SLC38A9: variants seen among roughly 807,000 people sequenced by gnomAD.
SLC38A9 encodes solute carrier family 38 member 9.
In SLC38A9, 48 loss-of-function variants were observed where a neutral mutation model predicts 62.3. The observed-to-expected ratio is 0.77, with a 90% CI of 0.61 to 0.98. SLC38A9 has a LOEUF of 0.98. Among genes scored for constraint, SLC38A9 ranks in the 50% least tolerant of loss-of-function variants. SLC38A9 has a pLI of 0.00. For synonymous variants in SLC38A9, 204 were observed against 227.7 expected (o/e 0.90, Z 0.94); for missense variants, 541 against 679.8 (o/e 0.80, Z 2.27).
At chr5:55,670,428 A>G (rs571987556) in intron 4 of SLC38A9, among the ~76,000 whole-genome samples, 1 of 152,340 alleles carries the variant, frequency 6.6e-6, no homozygotes, top group South Asian at 2.1e-4. Flanking sequence ...TGCAAGTACT[A>G]TGCATCCCTG....
At chr5:55,706,490 AG>A (rs1412055574) in intron 2 of SLC38A9, among the ~76,000 whole-genome samples, 2 of 152,230 alleles carry the variant, frequency 1.3e-5, no homozygotes, top group African/African-American at 2.4e-5. Flanking sequence ...AGTGAAATCA[AG>A]GTTGGGGAAA....
chr5:55,700,692 T>A (rs564438596), intron 2 of SLC38A9, among the ~76,000 whole-genome samples: 1 of 152,248 alleles, frequency 6.6e-6, no homozygotes, highest in African/African-American at 2.4e-5. Context: ...CCTATCACTA[T>A]ACAGAAGCTG....
intron 2 of SLC38A9, among the ~76,000 whole-genome samples, chr5:55,700,863 T>C (rs749779198): frequency 1.3e-5 from 2 of 152,132 alleles, no homozygotes; most frequent in Non-Finnish European, 2.9e-5. Flanking sequence ...ACGTCACTGG[T>C]CCCTCCTCCT....
rs537511137 is a variant in SLC38A9, at chr5:55,656,014, A to T, written c.757+701T>A. Among the ~76,000 whole-genome samples, 40 of 152,314 alleles carry T rather than the reference A, an allele frequency of 2.6e-4. No individual in the cohort carries two copies. In the South Asian group the frequency reaches 2.7e-3, roughly 10 times the overall value. On this transcript the variant is annotated intron_variant, in intron 9 of 15. Transcript: ENST00000396865. ...TTGTATAGCCTATATATTAATAACTAAAACAATAGATCTCTAAAACTAAGT... is the reference window on the plus strand; with the variant it reads ...TTGTATAGCCTATATATTAATAACTTAAACAATAGATCTCTAAAACTAAGT...
chr5:55,698,113 G>A, intron 2 of SLC38A9, 121 bp from the exon 3 acceptor site: 1 of 464,416 alleles, frequency 2.2e-6, no homozygotes, highest in Non-Finnish European at 3.7e-6. Flanking sequence ...ATCTTAATGA[G>A]GTATATGCCT....
At chr5:55,653,291 C>T (rs763439419) in intron 9 of SLC38A9, among the ~76,000 whole-genome samples, 3 of 152,138 alleles carry the variant, frequency 2.0e-5, no homozygotes, top group Non-Finnish European at 4.4e-5. Flanking sequence ...TTAAACTCTA[C>T]TGGAAACTAT....
intron 12 of SLC38A9, among the ~76,000 whole-genome samples, chr5:55,643,072 T>C (rs576961663): frequency 6.6e-6 from 1 of 152,230 alleles, no homozygotes; most frequent in Non-Finnish European, 1.5e-5. Context: ...GCTGTTAAAT[T>C]GAGCACAAAA....
At chr5:55,698,076 G>A (rs1756165592) in intron 2 of SLC38A9, 84 bp from the exon 3 acceptor site, 1 of 568,538 alleles carries the variant, frequency 1.8e-6, no homozygotes, top group Non-Finnish European at 3.0e-6. Flanking sequence ...ATAACAAATT[G>A]GAAAAATACT....
intron 12 of SLC38A9, among the ~76,000 whole-genome samples, chr5:55,643,576 C>T (rs1227173678): frequency 6.6e-6 from 1 of 152,086 alleles, no homozygotes; most frequent in African/African-American, 2.4e-5. Context: ...CTTCCTCTAC[C>T]CTTACTGATT....
intron 2 of SLC38A9, among the ~76,000 whole-genome samples, chr5:55,708,128 C>A (rs952942934): frequency 1.3e-5 from 2 of 152,206 alleles, no homozygotes; most frequent in Admixed American, 1.3e-4. Flanking sequence ...AGGGAATGAA[C>A]AGCTTAGTTG....
chr5:55,637,195 C>T (rs1463133152), intron 12 of SLC38A9, among the ~76,000 whole-genome samples: 1 of 152,158 alleles, frequency 6.6e-6, no homozygotes, highest in Non-Finnish European at 1.5e-5. Flanking sequence ...CAGCCACCAT[C>T]CCATAGACAG....
intron 3 of SLC38A9, among the ~76,000 whole-genome samples, chr5:55,685,819 TC>T (rs1250988615): frequency 6.6e-6 from 1 of 152,178 alleles, no homozygotes; most frequent in South Asian, 2.1e-4. Context: ...TGTGTGTTGT[TC>T]CCCTCTATGT....
chr5:55,645,750 C>T (rs367754940), intron 12 of SLC38A9, 39 bp downstream of exon 12: 59 of 1,380,470 alleles, frequency 4.3e-5, no homozygotes, highest in Non-Finnish European at 5.8e-5. Context: ...AATTTATCCT[C>T]GGGAGATACA....
At chr5:55,655,011 AT>A (rs941815705) in intron 9 of SLC38A9, among the ~76,000 whole-genome samples, 1 of 151,996 alleles carries the variant, frequency 6.6e-6, no homozygotes, top group Non-Finnish European at 1.5e-5. Context: ...CTAATTAAAA[AT>A]TTTTTTTTGT....
At position 55,659,379 on chromosome 5, in the gene SLC38A9, T is replaced by TG. The variant is rs67865201; in HGVS notation, c.698-2606_698-2605insC. ...TGAACTATTAAAAAAACTGGAAAGGTTTTTTTTTTTATTTTATTTTGATTT... is the reference window on the plus strand; with the variant it reads ...TGAACTATTAAAAAAACTGGAAAGGTGTTTTTTTTTTATTTTATTTTGATTT... On this transcript the variant is annotated intron_variant, in intron 8 of 15. Transcript: ENST00000396865. Among the ~76,000 whole-genome samples, 8 of 30,562 alleles carry TG rather than the reference T, an allele frequency of 2.6e-4. No homozygotes were observed. In the East Asian group the frequency reaches 5.1e-3, roughly 19 times the overall value. 20.0% of individuals were successfully genotyped at this position (30,562 alleles called of 152,430 possible).
chr5:55,672,982 A>C (rs1751562564), intron 3 of SLC38A9, among the ~76,000 whole-genome samples: 1 of 152,232 alleles, frequency 6.6e-6, no homozygotes, highest in Non-Finnish European at 1.5e-5. Context: ...AACAGTTATT[A>C]AAAAGAAATA....
Position 55,664,802 on chromosome 5 carries a change from A to G in SLC38A9, c.588T>C (p.Phe196=). 6.3e-7 allele frequency: 1 copy of G among 1,592,412 alleles called. No homozygotes were observed. Among genetic ancestry groups the G allele is most frequent in the African/African-American group, 1.4e-5 (1 of 73,790 alleles). Reference sequence around the variant, plus strand: ...AGAAAAGGAGACTCGACCACTGCCCAAAGGAGCCGAAATAATGTCTGCAGA... The same window carrying G: ...AGAAAAGGAGACTCGACCACTGCCCGAAGGAGCCGAAATAATGTCTGCAGA... ...PDVCRHYFGS[F]GQWSSLLFSL... The change falls in exon 8 of 16, where the codon TTT becomes TTC. Residue 196 remains phenylalanine, a synonymous_variant. Transcript: ENST00000396865.
intron 3 of SLC38A9, 103 bp downstream of exon 3, chr5:55,697,743 G>C (rs1279947756): frequency 4.5e-5 from 24 of 528,184 alleles, no homozygotes; most frequent in Admixed American, 7.9e-5. Context: ...CTGTAAGAAA[G>C]TGGATATTTT....
chr5:55,650,683 T>TGA (rs1200737162), intron 10 of SLC38A9, among the ~76,000 whole-genome samples: 1 of 152,196 alleles, frequency 6.6e-6, no homozygotes, highest in Non-Finnish European at 1.5e-5. Flanking sequence ...CAGCTTACAG[T>TGA]GAATCCTGTT....
Sources: gnomAD v4.1 joint callset for allele counts (sites outside exome capture counted in the v4.1 genomes callset) on GRCh38, gnomAD v4.1.1 for gene constraint, MANE v1.5 for transcripts, NCBI Gene and HGNC (gene_info 2026-07-23, HGNC 2026-07-21) for gene names.